The following CCDC148 variants were observed in gnomAD, a reference collection of about 807,000 sequenced individuals.
The protein encoded by CCDC148 is coiled-coil domain containing 148, also known as coiled-coil domain-containing protein 148.
In CCDC148, 89 loss-of-function variants were observed where a neutral mutation model predicts 85.7. The observed-to-expected ratio is 1.04, with a 90% CI of 0.87 to 1.24. The LOEUF is 1.24. Ranked by LOEUF, CCDC148 falls within the 50% of genes most tolerant of loss-of-function variation. The pLI is 0.00. For synonymous variants in CCDC148, 230 were observed against 213.9 expected, an observed-to-expected ratio of 1.08 and a Z score of -0.66; for missense variants, 692 against 671.7, an observed-to-expected ratio of 1.03 and a Z score of -0.33.
chr2:158,332,263 T>C (rs538279153), intron 7 of CCDC148, among the ~76,000 whole-genome samples: 9 of 151,966 alleles, frequency 5.9e-5, no homozygotes, highest in Admixed American at 6.6e-5. Context: ...CCTTCACTTA[T>C]GAAGCTTAGT....
In CCDC148 at chr2:158,250,785, T is replaced by C. The variant is rs1688759027; in HGVS notation, c.1238A>G (p.Glu413Gly). 6.3e-7 allele frequency: 1 copy of C among 1,575,204 alleles called. No homozygotes were observed. The highest frequency in any genetic ancestry group is 1.4e-5 in the African/African-American group (1 of 73,424). ...WKKKELLQRA[E>G]KKKKIKKYWA... ...TAGATTTTTTACTTTTTTTTTCTTC[T>C]CTGCTCTTTGCAACAATTCCTTCTT... The change falls in exon 10 of 14, where the codon GAG becomes GGG. Residue 413 changes from glutamate to glycine, a missense_variant. Glu to Gly is a moderately conservative substitution (Grantham distance 98). Coordinates refer to ENST00000283233, the MANE Select transcript of CCDC148 (RefSeq NM_138803.4).
At chr2:158,339,228 A>C in intron 5 of CCDC148, 143 bp from the exon 6 acceptor site, 1 of 654,536 alleles carries the variant, frequency 1.5e-6, no homozygotes, top group South Asian at 2.0e-5. Context: ...GATGCCAGCC[A>C]GGTAGGCAGT....
intron 9 of CCDC148, among the ~76,000 whole-genome samples, chr2:158,252,425 A>T (rs1489887279): frequency 1.3e-5 from 2 of 151,590 alleles, no homozygotes; most frequent in African/African-American, 4.8e-5. Flanking sequence ...CTGCTTTCAA[A>T]CCTTTCCTTT....
intron 11 of CCDC148, among the ~76,000 whole-genome samples, chr2:158,193,803 C>T (rs182771689): frequency 6.8e-4 from 103 of 151,856 alleles, no homozygotes; most frequent in African/African-American, 2.3e-3. Context: ...TTAAAATAAT[C>T]CATTTGCATA....
At chr2:158,243,785 C>T (rs959728912) in intron 10 of CCDC148, among the ~76,000 whole-genome samples, 8 of 152,156 alleles carry the variant, frequency 5.3e-5, no homozygotes, top group African/African-American at 1.9e-4. Context: ...GTCAAGAAGT[C>T]CCCAAAGCAT....
At chr2:158,247,108 C>A (rs1458216944) in intron 10 of CCDC148, among the ~76,000 whole-genome samples, 3 of 151,922 alleles carry the variant, frequency 2.0e-5, no homozygotes, top group Non-Finnish European at 4.4e-5. Context: ...ATACATGCAA[C>A]CCATATAACT....
chr2:158,378,128 C>T (rs923725191), intron 1 of CCDC148, among the ~76,000 whole-genome samples: 1 of 151,920 alleles, frequency 6.6e-6, no homozygotes, highest in African/African-American at 2.4e-5. Context: ...GCTGTGAATG[C>T]AAAGGAAAAG....
At chr2:158,310,924 G>A (rs1472809027) in intron 8 of CCDC148, among the ~76,000 whole-genome samples, 20 of 146,926 alleles carry the variant, frequency 1.4e-4, no homozygotes, top group Non-Finnish European at 2.1e-4. Context: ...ATGGGCGGCC[G>A]GGCAGAGACG....
chr2:158,174,178 C>T (rs1684456543), intron 13 of CCDC148, among the ~76,000 whole-genome samples: 2 of 151,980 alleles, frequency 1.3e-5, no homozygotes, highest in Non-Finnish European at 2.9e-5. Context: ...TTTATTATCT[C>T]TAATGCTCAC....
intron 1 of CCDC148, among the ~76,000 whole-genome samples, chr2:158,453,587 C>G (rs1009282760): frequency 7.2e-5 from 11 of 152,052 alleles, no homozygotes; most frequent in African/African-American, 2.7e-4. Flanking sequence ...TTATCTTCAC[C>G]TCCCCCACTC....
chr2:158,248,191 T>C (rs898395872), intron 10 of CCDC148, among the ~76,000 whole-genome samples: 6 of 152,048 alleles, frequency 3.9e-5, no homozygotes, highest in Admixed American at 1.3e-4. Flanking sequence ...AATCTATATA[T>C]GGCCTGGAAA....
chr2:158,249,892 C>T (rs1443359150), intron 10 of CCDC148, among the ~76,000 whole-genome samples: 2 of 152,086 alleles, frequency 1.3e-5, no homozygotes, highest in Non-Finnish European at 2.9e-5. Context: ...CTGCAAGCAG[C>T]TTTTCCAAAG....
chr2:158,363,254 A>C (rs758986975), intron 1 of CCDC148, among the ~76,000 whole-genome samples: 10 of 152,214 alleles, frequency 6.6e-5, no homozygotes, highest in Non-Finnish European at 1.3e-4. Flanking sequence ...TGCTGGTACC[A>C]TTCCTTCTGA....
chr2:158,251,354 C>T (rs1364437661), intron 9 of CCDC148, among the ~76,000 whole-genome samples: 1 of 151,656 alleles, frequency 6.6e-6, no homozygotes, highest in African/African-American at 2.4e-5. Context: ...GAAAACAGGC[C>T]TGAATTAAGA....
intron 9 of CCDC148, among the ~76,000 whole-genome samples, chr2:158,299,146 A>T (rs1027215551): frequency 2.6e-5 from 4 of 152,080 alleles, no homozygotes; most frequent in Non-Finnish European, 2.9e-5. Flanking sequence ...TAGGGTTTCA[A>T]CCGAATGTCT....
At chr2:158,211,480 T>C (rs1349028468) in intron 11 of CCDC148, among the ~76,000 whole-genome samples, 1 of 152,226 alleles carries the variant, frequency 6.6e-6, no homozygotes, top group African/African-American at 2.4e-5. Flanking sequence ...TGTCTGACCT[T>C]TACCAGACAC....
Position 158,358,487 on chromosome 2 carries a change from C to T in CCDC148, c.109G>A (p.Glu37Lys). The T allele has an allele frequency of 1.2e-6, 2 of 1,607,828 alleles. No individual in the cohort carries two copies. The highest frequency in any genetic ancestry group is 1.7e-6 in the Non-Finnish European group (2 of 1,178,102). The change falls in exon 2 of 14, where the codon GAA (glutamate) becomes AAA (lysine). Residue 37 changes from glutamate (E) to lysine (K), a missense_variant. Physicochemically the swap from Glu to Lys is moderately conservative, Grantham distance 56 (BLOSUM62 1). Coordinates refer to ENST00000283233, the MANE Select transcript of CCDC148 (RefSeq NM_138803.4). ...GAGGCAGAAGCCAATTTCTTTGCTT[C>T]AGTTAATGCACGCAATTGTTGATAG... ...VDYQQLRALTEAKKLASASAK... is the reference protein window; with the variant it reads ...VDYQQLRALTKAKKLASASAK...
intron 11 of CCDC148, among the ~76,000 whole-genome samples, chr2:158,219,195 GACTA>G (rs1687044621): frequency 6.6e-6 from 1 of 152,138 alleles, no homozygotes. Flanking sequence ...TTTTTACAGC[GACTA>G]ACTTAGGTAA....
At chr2:158,279,570 T>A (rs573407257) in intron 9 of CCDC148, among the ~76,000 whole-genome samples, 11,294 of 151,434 alleles carry the variant, frequency 0.075, 635 homozygotes, top group Middle Eastern at 0.12. Context: ...AAGGTAAGTT[T>A]AGAGAAAAAA....
Sources: allele counts gnomAD v4.1 joint callset (sites outside exome capture counted in the v4.1 genomes callset), GRCh38; gene constraint gnomAD v4.1.1; transcripts MANE v1.5; gene names NCBI Gene and HGNC (gene_info 2026-07-23, HGNC 2026-07-21).